The following CAST variants were observed in gnomAD, a reference collection of about 807,000 sequenced individuals.
The protein encoded by CAST is calpastatin, also known as MIR583 host.
Under a neutral mutation model 119.6 loss-of-function variants are expected in CAST, and 76 were observed. The observed-to-expected ratio is 0.64, with a 90% CI of 0.53 to 0.77. The LOEUF is 0.77. Ranked by LOEUF, CAST falls within the 30% of genes least tolerant of loss-of-function variation. The pLI is 0.00. For synonymous variants in CAST, 319 were observed against 331.6 expected, an observed-to-expected ratio of 0.96 and a Z score of 0.41; for missense variants, 953 against 946.5, an observed-to-expected ratio of 1.01 and a Z score of -0.09.
At chr5:96,006,464 C>T in the CAST span, among the ~76,000 whole-genome samples, 3 of 152,264 alleles carry the variant, frequency 2.0e-5, no homozygotes, top group East Asian at 5.8e-4. Context: ...CCCACACATG[C>T]AGCCTGTAGG....
the CAST span, among the ~76,000 whole-genome samples, chr5:96,043,081 G>A: frequency 6.6e-6 from 1 of 152,034 alleles, no homozygotes; most frequent in Admixed American, 6.6e-5. Context: ...GTTTATTATA[G>A]AAGATATGAC....
chr5:96,466,191 G>C, the CAST span, among the ~76,000 whole-genome samples: 28 of 152,186 alleles, frequency 1.8e-4, no homozygotes, highest in East Asian at 3.7e-3. Flanking sequence ...CTTAGCCTTA[G>C]AGTTATTAAT....
the CAST span, among the ~76,000 whole-genome samples, chr5:96,499,029 G>GAA: frequency 6.4e-5 from 7 of 109,748 alleles, no homozygotes; most frequent in Admixed American, 5.0e-4. Context: ...CATTGTGCAG[G>GAA]AAAAAAAAAA....
intron 1 of CAST, among the ~76,000 whole-genome samples, chr5:96,625,198 T>C (rs969075233): frequency 2.6e-5 from 4 of 152,278 alleles, no homozygotes; most frequent in African/African-American, 9.6e-5. Context: ...AAAACAAACA[T>C]CTGTTTAGGA....
chr5:96,327,284 T>C, the CAST span, among the ~76,000 whole-genome samples: 13 of 152,192 alleles, frequency 8.5e-5, no homozygotes, highest in African/African-American at 2.9e-4. Flanking sequence ...TAAATGGTAA[T>C]TGTTATCATT....
the CAST span, among the ~76,000 whole-genome samples, chr5:96,114,385 G>A: frequency 6.6e-6 from 1 of 152,154 alleles, no homozygotes; most frequent in Non-Finnish European, 1.5e-5. Flanking sequence ...TATGTACATT[G>A]AAGTTTGAGA....
the CAST span, among the ~76,000 whole-genome samples, chr5:96,158,386 G>A: frequency 1.3e-5 from 2 of 152,256 alleles, no homozygotes; most frequent in East Asian, 3.9e-4. Flanking sequence ...AATGCTAGGA[G>A]GATCCTTGTT....
At chr5:96,521,265 A>G (rs1408773365), upstream of CAST, among the ~76,000 whole-genome samples, 1 of 152,154 alleles carries the variant, frequency 6.6e-6, no homozygotes, top group East Asian at 1.9e-4. Context: ...AAAACCCTTC[A>G]AAGAGTCACC....
chr5:96,057,299 C>T, the CAST span, among the ~76,000 whole-genome samples: 10 of 152,154 alleles, frequency 6.6e-5, no homozygotes, highest in Non-Finnish European at 1.2e-4. Flanking sequence ...CACTTTTAGG[C>T]AGAGCCGTCT....
At chr5:96,404,608 T>C in the CAST span, among the ~76,000 whole-genome samples, 1 of 152,154 alleles carries the variant, frequency 6.6e-6, no homozygotes, top group African/African-American at 2.4e-5. Context: ...TGCATGTTCA[T>C]TTATCAGCCT....
intron 1 of CAST, among the ~76,000 whole-genome samples, chr5:96,597,947 G>T (rs1205143693): frequency 6.6e-6 from 1 of 151,744 alleles, no homozygotes; most frequent in Non-Finnish European, 1.5e-5. Flanking sequence ...AAGGGGGGAG[G>T]GGGAGAGGCC....
At chr5:96,250,037 C>A in the CAST span, among the ~76,000 whole-genome samples, 1 of 152,174 alleles carries the variant, frequency 6.6e-6, no homozygotes, top group South Asian at 2.1e-4. Context: ...ATGTTAGTGG[C>A]TTACATATCT....
chr5:95,999,190 A>G, the CAST span, among the ~76,000 whole-genome samples: 1 of 151,664 alleles, frequency 6.6e-6, no homozygotes, highest in Non-Finnish European at 1.5e-5. Flanking sequence ...CTGCTTATAT[A>G]TTTGCCTTTG....
At chr5:96,182,877 G>A in the CAST span, among the ~76,000 whole-genome samples, 28 of 152,174 alleles carry the variant, frequency 1.8e-4, no homozygotes, top group African/African-American at 5.5e-4. Flanking sequence ...GGTGGCTTAC[G>A]CCTGTAATCC....
rs888589892 is a variant in CAST, at chr5:96,727,604, G to A, written c.378+74G>A. ...TAATGAATAATCAACTTCCTGCCTT[G>A]GCACAGCTGTGAATGGTAAAGGGGG... On this transcript the variant is annotated intron_variant, in intron 6 of 31. Coordinates refer to ENST00000675179, the MANE Select transcript of CAST (RefSeq NM_001750.7). 7.1e-6 allele frequency: 7 copies of A among 983,168 alleles called. No homozygotes were observed. In the African/African-American group the frequency reaches 1.0e-4, roughly 14 times the overall value. 60.9% of individuals were successfully genotyped at this position (983,168 alleles called of 1,614,324 possible).
chr5:96,397,366 T>C, the CAST span: 2 of 1,612,626 alleles, frequency 1.2e-6, no homozygotes, highest in Non-Finnish European at 1.7e-6. Flanking sequence ...TCCAAGTACC[T>C]ATAGGGTTCT....
At chr5:96,401,011 T>C in the CAST span, among the ~76,000 whole-genome samples, 3 of 128,770 alleles carry the variant, frequency 2.3e-5, no homozygotes, top group South Asian at 4.9e-4. Context: ...GGCGTGAACC[T>C]GGGAGGCGGA....
chr5:96,196,167 T>C, the CAST span, among the ~76,000 whole-genome samples: 1 of 152,204 alleles, frequency 6.6e-6, no homozygotes, highest in Non-Finnish European at 1.5e-5. Context: ...ATTACAGGCA[T>C]AAGAAACTAG....
chr5:95,993,164 G>C, the CAST span, among the ~76,000 whole-genome samples: 1 of 152,104 alleles, frequency 6.6e-6, no homozygotes, highest in Non-Finnish European at 1.5e-5. Flanking sequence ...AGGTAATTTG[G>C]TGGGGAAAAG....
Sources: allele counts gnomAD v4.1 joint callset (sites outside exome capture counted in the v4.1 genomes callset), GRCh38; gene constraint gnomAD v4.1.1; transcripts MANE v1.5; gene names NCBI Gene and HGNC (gene_info 2026-07-23, HGNC 2026-07-21).